CSMD1: variants seen among roughly 807,000 people sequenced by gnomAD.
CSMD1 encodes CUB and sushi domain-containing protein 1.
CSMD1 carries 213 observed loss-of-function variants against 417.5 expected under a neutral mutation model. That is an observed-to-expected ratio of 0.51 (90% CI 0.46 to 0.57). CSMD1 has a LOEUF of 0.57. Ranked by LOEUF, CSMD1 falls within the 20% of genes least tolerant of loss-of-function variation. The probability of loss-of-function intolerance (pLI) is 0.00; values close to 1 mark genes in which losing one functional copy is unlikely to be tolerated. For missense variants in CSMD1, 6,923 were observed against 4,529.7 expected (o/e 1.53, Z -15.17); for synonymous variants, 2,862 against 1,736.8 (o/e 1.65, Z -16.11).
chr8:3,142,556 G>C lies in CSMD1; in HGVS notation c.6150C>G (p.Pro2050=). 3 of 1,613,950 alleles carry C rather than the reference G, an allele frequency of 1.9e-6. No individual in the cohort carries two copies. Among genetic ancestry groups the C allele is most frequent in the Non-Finnish European group, 2.5e-6 (3 of 1,179,880 alleles). Residue 2050 remains proline (P), a synonymous_variant, in exon 41 of 70, where the codon CCC becomes CCG. Transcript: ENST00000635120. ...CATGCGTTGTGCTCAGCAGGGCCGCGGGGAGATCCGTGCCGCTAAATTGTC... is the reference window on the plus strand; with the variant it reads ...CATGCGTTGTGCTCAGCAGGGCCGCCGGGAGATCCGTGCCGCTAAATTGTC... ...MIGQFSGTDL[P]AALLSTTHET... is the part of the protein sequence containing the mutation.
chr8:3,932,974 T>C (rs958627730), intron 5 of CSMD1, among the ~76,000 whole-genome samples: 1 of 150,086 alleles, frequency 6.7e-6, no homozygotes, highest in South Asian at 2.1e-4. Context: ...TTTTGCTTTC[T>C]AATATCCTGA....
intron 3 of CSMD1, among the ~76,000 whole-genome samples, chr8:4,235,413 T>A (rs77466396): frequency 0.02 from 2,986 of 152,168 alleles, 112 homozygotes; most frequent in African/African-American, 0.069. Flanking sequence ...TTAGCACACC[T>A]AATGCTCTAA....
intron 2 of CSMD1, among the ~76,000 whole-genome samples, chr8:4,462,209 A>C (rs561682501): frequency 1.3e-5 from 2 of 152,168 alleles, no homozygotes; most frequent in Non-Finnish European, 2.9e-5. Context: ...CAATAGTAAT[A>C]AGCTGAACAT....
chr8:3,854,589 C>G (rs569221217), intron 5 of CSMD1, among the ~76,000 whole-genome samples: 25 of 152,110 alleles, frequency 1.6e-4, no homozygotes, highest in African/African-American at 5.8e-4. Context: ...CTGGAACTCC[C>G]TCACCCAAGG....
chr8:4,987,788 AG>A (rs1482428873), intron 1 of CSMD1, among the ~76,000 whole-genome samples: 1 of 152,204 alleles, frequency 6.6e-6, no homozygotes, highest in Non-Finnish European at 1.5e-5. Context: ...CTTGGCTAAA[AG>A]AAAGCCCACA....
intron 1 of CSMD1, among the ~76,000 whole-genome samples, chr8:4,882,189 G>T (rs553865542): frequency 6.6e-6 from 1 of 151,984 alleles, no homozygotes; most frequent in African/African-American, 2.4e-5. Context: ...ACTAGACGGT[G>T]GTGTACACTG....
At chr8:4,329,451 C>T (rs550710415) in intron 3 of CSMD1, among the ~76,000 whole-genome samples, 1 of 151,986 alleles carries the variant, frequency 6.6e-6, no homozygotes, top group Non-Finnish European at 1.5e-5. Context: ...AGCACACTGG[C>T]TAATTTTTGT....
intron 5 of CSMD1, among the ~76,000 whole-genome samples, chr8:3,996,183 G>C (rs74794940): frequency 0.18 from 27,239 of 152,018 alleles, 2,859 homozygotes; most frequent in Non-Finnish European, 0.23. Context: ...GGCCTCACTT[G>C]CTTCTACCTC....
chr8:4,934,814 A>C (rs969936014), intron 1 of CSMD1, among the ~76,000 whole-genome samples: 2 of 152,118 alleles, frequency 1.3e-5, no homozygotes, highest in Non-Finnish European at 2.9e-5. Context: ...CCTACCTATC[A>C]TGTATCAATC....
chr8:3,548,659 T>TACACATAC (rs1554465269), intron 10 of CSMD1, among the ~76,000 whole-genome samples: 1 of 133,002 alleles, frequency 7.5e-6, no homozygotes, highest in African/African-American at 2.9e-5. Flanking sequence ...TATTCCATCA[T>TACACATAC]ACACACACAC....
intron 5 of CSMD1, among the ~76,000 whole-genome samples, chr8:3,987,704 G>A (rs1404299951): frequency 1.3e-5 from 2 of 152,186 alleles, no homozygotes; most frequent in African/African-American, 4.8e-5. Flanking sequence ...GAAACTGCAA[G>A]GTGGAACGAG....
rs552565378 is a variant in CSMD1 at position 4,085,715 on chromosome 8, A to T, written c.416-53616T>A. ...TATGATCCCAAATTGTTAATAAAAC[A>T]TTCTGGAAATGACCTAATAGTAAAA... On this transcript the variant is annotated intron_variant, in intron 3 of 69. Transcript: ENST00000635120. 4.6e-5 allele frequency among the ~76,000 whole-genome samples: 7 copies of T among 152,326 alleles called. No individual in the cohort carries two copies. In the East Asian group the frequency reaches 1.3e-3, roughly 29 times the overall value.
chr8:3,062,042 C>A (rs1812621251), intron 49 of CSMD1, among the ~76,000 whole-genome samples: 1 of 152,112 alleles, frequency 6.6e-6, no homozygotes, highest in African/African-American at 2.4e-5. Flanking sequence ...TTTTCAATGT[C>A]CACCTATCAA....
intron 10 of CSMD1, among the ~76,000 whole-genome samples, chr8:3,535,076 T>C (rs1274015156): frequency 6.6e-6 from 1 of 151,962 alleles, no homozygotes; most frequent in Non-Finnish European, 1.5e-5. Context: ...GCCTACTGAG[T>C]AGTTGGGACT....
At chr8:3,488,341 C>A (rs1818177270) in intron 11 of CSMD1, among the ~76,000 whole-genome samples, 1 of 152,036 alleles carries the variant, frequency 6.6e-6, no homozygotes, top group South Asian at 2.1e-4. Flanking sequence ...CTTTTGGCCT[C>A]AAGTATTTCT....
intron 2 of CSMD1, among the ~76,000 whole-genome samples, chr8:4,565,127 A>G (rs1798528051): frequency 6.6e-6 from 1 of 152,248 alleles, no homozygotes; most frequent in Admixed American, 6.5e-5. Flanking sequence ...TATTAGAAGT[A>G]CAGCTTCTTA....
intron 2 of CSMD1, among the ~76,000 whole-genome samples, chr8:4,636,145 T>A (rs1802799602): frequency 6.6e-6 from 1 of 152,094 alleles, no homozygotes; most frequent in Admixed American, 6.5e-5. Flanking sequence ...ATGAAGCATA[T>A]GATTCTTGTG....
At chr8:3,278,364 A>G (rs1171874818) in intron 26 of CSMD1, 3 of 152,122 alleles carry the variant, frequency 2.0e-5, no homozygotes, top group East Asian at 1.9e-4. Context: ...TCACATAACT[A>G]TTTTCTCTCC....
chr8:4,405,378 A>C (rs1199996940), intron 3 of CSMD1, among the ~76,000 whole-genome samples: 1 of 152,106 alleles, frequency 6.6e-6, no homozygotes, highest in Non-Finnish European at 1.5e-5. Context: ...ATTCTGGCAC[A>C]AACTACTTGT....
Sources: gnomAD v4.1 joint callset for allele counts (sites outside exome capture counted in the v4.1 genomes callset) on GRCh38, gnomAD v4.1.1 for gene constraint, MANE v1.5 for transcripts, NCBI Gene and HGNC (gene_info 2026-07-23, HGNC 2026-07-21) for gene names.